The following ST7 variants were observed in gnomAD, a reference collection of about 807,000 sequenced individuals.
The protein encoded by ST7 is suppression of tumorigenicity 7, also known as suppressor of tumorigenicity 7 protein.
Under a neutral mutation model 78.7 loss-of-function variants are expected in ST7, and 28 were observed. The ratio of observed to expected loss-of-function variants is 0.36; its 90% CI spans 0.26 to 0.49. The LOEUF is 0.49. Among genes scored for constraint, ST7 ranks in the 20% least tolerant of loss-of-function variants. The pLI is 0.99. For missense variants in ST7, 418 were observed against 696.0 expected, an observed-to-expected ratio of 0.60 and a Z score of 4.49; for synonymous variants, 247 against 249.6, an observed-to-expected ratio of 0.99 and a Z score of 0.10.
chr7:117,123,937 G>A (rs1803610874), intron 3 of ST7, among the ~76,000 whole-genome samples: 1 of 152,060 alleles, frequency 6.6e-6, no homozygotes, highest in African/African-American at 2.4e-5. Flanking sequence ...AAACAAACTG[G>A]ATAGTCACTT....
chr7:117,081,457 C>A (rs1488318435), intron 1 of ST7, among the ~76,000 whole-genome samples: 1 of 152,044 alleles, frequency 6.6e-6, no homozygotes, highest in East Asian at 1.9e-4. Context: ...TTAATCATTT[C>A]CTTTATTATT....
intron 1 of ST7, among the ~76,000 whole-genome samples, chr7:116,969,979 G>A (rs986517573): frequency 6.6e-6 from 1 of 152,154 alleles, no homozygotes; most frequent in Non-Finnish European, 1.5e-5. Context: ...GGAGACTGAG[G>A]CAGGAGAATC....
intron 1 of ST7, among the ~76,000 whole-genome samples, chr7:117,055,473 G>A (rs1798014628): frequency 1.3e-5 from 2 of 151,982 alleles, no homozygotes; most frequent in South Asian, 4.1e-4. Context: ...CAAAGTGCTG[G>A]GATTATTCCC....
At chr7:116,988,333 A>G (rs1585097679) in intron 1 of ST7, among the ~76,000 whole-genome samples, 1 of 152,142 alleles carries the variant, frequency 6.6e-6, no homozygotes, top group East Asian at 1.9e-4. Flanking sequence ...ATAAAATGGA[A>G]TGTTTATTGA....
chr7:117,086,238 G>C (rs1800135741), intron 1 of ST7, among the ~76,000 whole-genome samples: 1 of 152,092 alleles, frequency 6.6e-6, no homozygotes, highest in Non-Finnish European at 1.5e-5. Context: ...CATGATGGTT[G>C]GCCTTCCAGT....
intron 12 of ST7, among the ~76,000 whole-genome samples, chr7:117,207,440 C>T (rs917721166): frequency 1.4e-4 from 21 of 152,270 alleles, no homozygotes; most frequent in African/African-American, 4.8e-4. Context: ...CCGCGCCCAG[C>T]CCTGCTAGTT....
chr7:116,988,004 G>C (rs146584893), intron 1 of ST7, among the ~76,000 whole-genome samples: 1 of 152,364 alleles, frequency 6.6e-6, no homozygotes, highest in Non-Finnish European at 1.5e-5. Flanking sequence ...TGGGATTACA[G>C]GCGTGAGCCA....
intron 12 of ST7, among the ~76,000 whole-genome samples, chr7:117,191,208 A>T (rs377247963): frequency 2.6e-5 from 4 of 152,176 alleles, no homozygotes; most frequent in African/African-American, 9.7e-5. Context: ...CAAAAAGTAG[A>T]TATCCCGGGA....
chr7:117,199,681 G>A (rs1328975231), intron 12 of ST7, among the ~76,000 whole-genome samples: 1 of 152,180 alleles, frequency 6.6e-6, no homozygotes, highest in Non-Finnish European at 1.5e-5. Flanking sequence ...CACTAATTAT[G>A]TGCCAGCCAC....
At chr7:117,163,634 T>C (rs539112267) in intron 9 of ST7, among the ~76,000 whole-genome samples, 2 of 152,256 alleles carry the variant, frequency 1.3e-5, no homozygotes, top group Non-Finnish European at 2.9e-5. Context: ...CATTTTTTAA[T>C]TGGATTGTTT....
In ST7 at chr7:117,122,568, T is replaced by C. The variant is rs576212768; in HGVS notation, c.394+2848T>C. ...ACTAGTATTTACTGAGTGCCTACTA[T>C]GCATTCTATATTTCCATTCATTTCT... is the stretch of plus-strand genomic sequence containing the variant. On this transcript the variant is annotated intron_variant, in intron 3 of 15. Transcript: ENST00000323984. 2.0e-5 allele frequency among the ~76,000 whole-genome samples: 3 copies of C among 152,366 alleles called. No homozygotes were observed. In the South Asian group the frequency reaches 6.2e-4, roughly 32 times the overall value.
chr7:117,054,488 C>T (rs954415001), intron 1 of ST7, among the ~76,000 whole-genome samples: 1 of 152,208 alleles, frequency 6.6e-6, no homozygotes, highest in Non-Finnish European at 1.5e-5. Flanking sequence ...TGGTAATTTA[C>T]TTAGGAGGTG....
intron 2 of ST7, among the ~76,000 whole-genome samples, chr7:117,114,788 A>G (rs935901659): frequency 7.9e-5 from 12 of 152,242 alleles, no homozygotes; most frequent in African/African-American, 2.9e-4. Context: ...GGATAGGAAG[A>G]ACCTAGGCAT....
chr7:117,052,682 C>T (rs1451587827), intron 1 of ST7, among the ~76,000 whole-genome samples: 1 of 152,162 alleles, frequency 6.6e-6, no homozygotes, highest in Non-Finnish European at 1.5e-5. Context: ...ATCACGAGGT[C>T]AGGAGATCAA....
At chr7:117,106,303 A>G (rs968268474) in intron 2 of ST7, among the ~76,000 whole-genome samples, 9 of 152,114 alleles carry the variant, frequency 5.9e-5, no homozygotes, top group African/African-American at 2.2e-4. Flanking sequence ...CGGCCAGGAA[A>G]TGTTTTGTCT....
At chr7:117,027,533 A>G (rs1285367160) in intron 1 of ST7, among the ~76,000 whole-genome samples, 2 of 123,310 alleles carry the variant, frequency 1.6e-5, no homozygotes, top group African/African-American at 5.6e-5. Context: ...AAGTAAAAAA[A>G]AATAAAATAT....
chr7:117,195,677 A>C (rs576923498), intron 12 of ST7, among the ~76,000 whole-genome samples: 1 of 152,290 alleles, frequency 6.6e-6, no homozygotes, highest in East Asian at 1.9e-4. Flanking sequence ...GATCTTGTGA[A>C]AACTCACTCA....
intron 1 of ST7, among the ~76,000 whole-genome samples, chr7:117,027,463 A>AAAGTAAAGTAAAGT (rs61692677): frequency 7.1e-6 from 1 of 140,630 alleles, no homozygotes; most frequent in Non-Finnish European, 1.5e-5. Context: ...AAAGTAAAGT[A>AAAGTAAAGTAAAGT]AAAGTAAAGT....
chr7:117,216,323 C>A (rs1391156991), intron 13 of ST7, among the ~76,000 whole-genome samples: 1 of 152,114 alleles, frequency 6.6e-6, no homozygotes, highest in Non-Finnish European at 1.5e-5. Context: ...CATTTATATA[C>A]CATGTATTCA....
Sources: gnomAD v4.1 joint callset for allele counts (sites outside exome capture counted in the v4.1 genomes callset) on GRCh38, gnomAD v4.1.1 for gene constraint, MANE v1.5 for transcripts, NCBI Gene and HGNC (gene_info 2026-07-23, HGNC 2026-07-21) for gene names.